Variants in CA10 observed in about 807,000 individuals in gnomAD.
CA10 encodes the protein carbonic anhydrase-related protein 10.
In CA10, 14 loss-of-function variants were observed where a neutral mutation model predicts 44.2. The observed-to-expected ratio is 0.32, with a 90% confidence interval of 0.21 to 0.50. The LOEUF (loss-of-function observed/expected upper bound fraction) is 0.50. Among genes scored for constraint, CA10 ranks in the 20% least tolerant of loss-of-function variants. The pLI, the probability that CA10 is intolerant of heterozygous loss-of-function variation, is 0.99. For synonymous variants in CA10, 159 were observed against 141.6 expected (o/e 1.12, Z -0.87); for missense variants, 350 against 409.7 (o/e 0.85, Z 1.26).
In CA10 at chr17:51,909,103, G is replaced by A. The variant is rs180853015; in HGVS notation, c.279+21887C>T. ...GCGCACATGATATTTCAAAGCAGCC[G>A]TGCTATCTTTCCATAGCCACTATAA... On this transcript the variant is annotated intron_variant, in intron 3 of 8. Coordinates refer to ENST00000451037, the MANE Select transcript of CA10 (RefSeq NM_020178.5). 3.3e-3 allele frequency among the ~76,000 whole-genome samples: 505 copies of A among 152,250 alleles called. 5 individuals carry two copies. The highest frequency in any genetic ancestry group is 0.022 in the South Asian group (106 of 4,824).
chr17:51,831,713 A>AGCGGCGGCG (rs1249181154), intron 3 of CA10, among the ~76,000 whole-genome samples: 4 of 106,002 alleles, frequency 3.8e-5, no homozygotes, highest in African/African-American at 1.3e-4. Context: ...CAGCAGCAGC[A>AGCGGCGGCG]GCAGCAGCAG....
At position 51,980,457 on chromosome 17, in the gene CA10, C is replaced by T. The variant is rs758133497; in HGVS notation, c.137-49325G>A. On this transcript the variant is annotated intron_variant, in intron 2 of 8. Transcript: ENST00000451037. ...CAGACACACAGTTTGCAAATATTTT[C>T]CTCCATTCTGTAGGTTGTCTATTTA... is the stretch of plus-strand genomic sequence containing the variant. Among the ~76,000 whole-genome samples the T allele has an allele frequency of 2.8e-4, 43 of 152,156 alleles. 1 individual carries two copies. The highest frequency in any genetic ancestry group is 6.2e-4 in the South Asian group (3 of 4,824).
At chr17:52,102,478 C>G (rs560680165) in intron 1 of CA10, among the ~76,000 whole-genome samples, 4 of 152,166 alleles carry the variant, frequency 2.6e-5, no homozygotes, top group Non-Finnish European at 4.4e-5. Flanking sequence ...TGGAACTTAA[C>G]TTGAGCTATT....
intron 3 of CA10, among the ~76,000 whole-genome samples, chr17:51,816,747 T>A (rs1015071512): frequency 2.6e-5 from 4 of 152,216 alleles, no homozygotes; most frequent in Non-Finnish European, 5.9e-5. Flanking sequence ...GAAGCACACA[T>A]ATTACCATAT....
At chr17:51,895,306 GA>G (rs1229521681) in intron 3 of CA10, among the ~76,000 whole-genome samples, 1 of 151,992 alleles carries the variant, frequency 6.6e-6, no homozygotes, top group Non-Finnish European at 1.5e-5. Flanking sequence ...CAGAAAACAG[GA>G]AAACAACAGA....
chr17:51,779,515 AG>A (rs1419428706), intron 3 of CA10, among the ~76,000 whole-genome samples: 4 of 152,226 alleles, frequency 2.6e-5, no homozygotes, highest in Non-Finnish European at 4.4e-5. Flanking sequence ...GTGCTGCAGC[AG>A]GTCTTGAAAA....
chr17:51,951,323 A>G (rs1983472836), intron 2 of CA10, among the ~76,000 whole-genome samples: 1 of 152,106 alleles, frequency 6.6e-6, no homozygotes, highest in Non-Finnish European at 1.5e-5. Flanking sequence ...CTTTTCTTTC[A>G]ATAAGGACCA....
intron 5 of CA10, among the ~76,000 whole-genome samples, chr17:51,651,623 C>T (rs1323014795): frequency 6.6e-6 from 1 of 152,160 alleles, no homozygotes; most frequent in Non-Finnish European, 1.5e-5. Flanking sequence ...TAGTCACCAG[C>T]TCGGTAGGAA....
At chr17:52,033,071 G>A (rs1362402748) in intron 2 of CA10, among the ~76,000 whole-genome samples, 1 of 152,134 alleles carries the variant, frequency 6.6e-6, no homozygotes, top group South Asian at 2.1e-4. Context: ...TTTGGAGGAA[G>A]GTGGGCCACC....
intron 1 of CA10, among the ~76,000 whole-genome samples, chr17:52,077,270 A>G (rs140387626): frequency 0.01 from 1,546 of 152,338 alleles, 23 homozygotes; most frequent in African/African-American, 0.035. Context: ...AGTGTTTTGC[A>G]ACTTTCTGGA....
chr17:51,981,126 G>T (rs1288917456), intron 2 of CA10, among the ~76,000 whole-genome samples: 2 of 151,886 alleles, frequency 1.3e-5, no homozygotes, highest in Non-Finnish European at 2.9e-5. Context: ...TTCTTAAAAG[G>T]TTACAGATAT....
At chr17:52,092,453 C>A (rs537278382) in intron 1 of CA10, among the ~76,000 whole-genome samples, 1 of 152,268 alleles carries the variant, frequency 6.6e-6, no homozygotes, top group South Asian at 2.1e-4. Flanking sequence ...GATGGCTGTT[C>A]GGTAATGAGT....
chr17:51,728,151 A>AAT (rs2143550617), intron 4 of CA10, among the ~76,000 whole-genome samples: 1 of 152,224 alleles, frequency 6.6e-6, no homozygotes, highest in Non-Finnish European at 1.5e-5. Flanking sequence ...TAGCCTCCAA[A>AAT]ATTTCTGGGA....
chr17:52,036,822 C>T (rs1251888525), intron 2 of CA10, among the ~76,000 whole-genome samples: 1 of 152,110 alleles, frequency 6.6e-6, no homozygotes, highest in Non-Finnish European at 1.5e-5. Flanking sequence ...TAAATATGGG[C>T]AATTGTTATT....
rs1445804216 is a variant in CA10, at chr17:52,083,918, T to C, written c.62-11525A>G. Among the ~76,000 whole-genome samples the C allele has an allele frequency of 7.9e-5, 12 of 152,168 alleles. No individual in the cohort carries two copies. The South Asian group carries it at 2.5e-3, about 32-fold the overall frequency. On this transcript the variant is annotated intron_variant, in intron 1 of 8. Transcript: ENST00000451037. ...TGATGTAATTATTTCTTTTTTAGAG[T>C]AGATACCCAATACTGTGACTGCAGA...
At chr17:51,887,849 A>G (rs1007373561) in intron 3 of CA10, among the ~76,000 whole-genome samples, 1 of 151,220 alleles carries the variant, frequency 6.6e-6, no homozygotes, top group Non-Finnish European at 1.5e-5. Context: ...AATACAAAAA[A>G]AAAAAGAAAA....
chr17:51,886,177 C>A (rs1980591562), intron 3 of CA10, among the ~76,000 whole-genome samples: 1 of 152,140 alleles, frequency 6.6e-6, no homozygotes, highest in Non-Finnish European at 1.5e-5. Flanking sequence ...AAAGACCATC[C>A]CTTAGAGCTG....
At chr17:51,980,636 T>A (rs145370244) in intron 2 of CA10, among the ~76,000 whole-genome samples, 61 of 152,164 alleles carry the variant, frequency 4.0e-4, no homozygotes, top group African/African-American at 1.4e-3. Flanking sequence ...TCTTCCAGGG[T>A]TTTTATAGTT....
At chr17:52,042,138 A>AG (rs1986786797) in intron 2 of CA10, among the ~76,000 whole-genome samples, 1 of 152,048 alleles carries the variant, frequency 6.6e-6, no homozygotes, top group Non-Finnish European at 1.5e-5. Flanking sequence ...ATCATACAGT[A>AG]GTTCAATTTT....
Sources: gnomAD v4.1 joint callset for allele counts (sites outside exome capture counted in the v4.1 genomes callset) on GRCh38, gnomAD v4.1.1 for gene constraint, MANE v1.5 for transcripts, NCBI Gene and HGNC (gene_info 2026-07-23, HGNC 2026-07-21) for gene names.